Variants in BCAT1 observed in about 807,000 individuals in gnomAD.
BCAT1 encodes branched-chain-amino-acid aminotransferase, cytosolic.
BCAT1 carries 48 observed loss-of-function variants against 52.4 expected under a neutral mutation model. The ratio of observed to expected loss-of-function variants is 0.92; its 90% CI spans 0.73 to 1.16. The LOEUF is 1.16. BCAT1 is among the 50% of genes most tolerant of loss of function. The pLI is 0.00. For synonymous variants in BCAT1, 167 were observed against 161.3 expected (o/e 1.04, Z -0.27); for missense variants, 451 against 457.1 (o/e 0.99, Z 0.12).
chr12:24,916,790 C>T (rs984580703), intron 1 of BCAT1, among the ~76,000 whole-genome samples: 25 of 152,194 alleles, frequency 1.6e-4, no homozygotes, highest in African/African-American at 5.8e-4. Context: ...CCACCGGCCT[C>T]GCCCTCCCAA....
chr12:24,925,445 A>T (rs2139730094), intron 1 of BCAT1, among the ~76,000 whole-genome samples: 1 of 152,348 alleles, frequency 6.6e-6, no homozygotes, highest in Non-Finnish European at 1.5e-5. Flanking sequence ...AGATAGAAAG[A>T]TTATAGATAT....
chr12:24,842,168 T>A lies in BCAT1; in HGVS notation c.731A>T (p.Gln244Leu), dbSNP rs1366293547. ...QCEAVDNGCQ[Q>L]VLWLYGEDHQ... ...GTCCTCTCCATAGAGCCACAGGACC[T>A]GCTGACACCCATTATCTACTGCTTC... Residue 244 changes from glutamine to leucine, a missense_variant, in exon 7 of 11, where the codon CAG (glutamine) becomes CTG (leucine). Physicochemically the swap from Gln to Leu is moderately radical, Grantham distance 113 (BLOSUM62 -2). Coordinates refer to ENST00000261192, the MANE Select transcript of BCAT1 (RefSeq NM_005504.7). The A allele has an allele frequency of 6.2e-7, 1 of 1,613,810 alleles. No individual in the cohort carries two copies. Among genetic ancestry groups the A allele is most frequent in the Admixed American group, 1.7e-5 (1 of 60,032 alleles).
chr12:24,856,300 C>A (rs1007731998), intron 5 of BCAT1, among the ~76,000 whole-genome samples: 3 of 152,180 alleles, frequency 2.0e-5, no homozygotes, highest in African/African-American at 7.2e-5. Context: ...CCTTCCATTG[C>A]TCCTCACTTT....
At chr12:24,878,444 C>A in intron 5 of BCAT1, 86 bp downstream of exon 5, 3 of 1,305,030 alleles carry the variant, frequency 2.3e-6, no homozygotes, top group East Asian at 2.6e-5. Flanking sequence ...GGGGCTACTG[C>A]AAACTATATG....
At position 24,849,802 on chromosome 12, in the gene BCAT1, C is replaced by T. The variant is rs762509801; in HGVS notation, c.658G>A (p.Asp220Asn). 1.2e-6 allele frequency: 2 copies of T among 1,611,254 alleles called. No individual in the cohort carries two copies. The highest frequency in any genetic ancestry group is 2.2e-5 in the East Asian group (1 of 44,782). The change falls in exon 6 of 11, where the codon GAC becomes AAC. Residue 220 changes from aspartate to asparagine, a missense_variant. Transcript: ENST00000261192. The part of the protein sequence containing the change: ...YVRAWKGGTG[D>N]CKMGGNYGSS... ...TTTACTTACCCTCCCATCTTGCAGT[C>T]CCCAGTTCCACCTTTCCAGGCTCTT...
chr12:24,922,241 T>C (rs956221237), intron 1 of BCAT1, among the ~76,000 whole-genome samples: 4 of 152,170 alleles, frequency 2.6e-5, no homozygotes, highest in Non-Finnish European at 4.4e-5. Flanking sequence ...CATAGCGTAC[T>C]ACAGCCTTGA....
intron 3 of BCAT1, among the ~76,000 whole-genome samples, chr12:24,883,397 G>A (rs1289106917): frequency 6.6e-6 from 1 of 152,300 alleles, no homozygotes; most frequent in African/African-American, 2.4e-5. Flanking sequence ...ACTGAGGGTA[G>A]CGGTGTAAAT....
At chr12:24,835,213 C>A (rs577898431) in intron 8 of BCAT1, among the ~76,000 whole-genome samples, 1 of 152,342 alleles carries the variant, frequency 6.6e-6, no homozygotes, top group African/African-American at 2.4e-5. Flanking sequence ...TTGTAAATGT[C>A]ATGCCCAATG....
intron 1 of BCAT1, among the ~76,000 whole-genome samples, chr12:24,909,428 A>G (rs925974398): frequency 2.0e-5 from 3 of 152,236 alleles, no homozygotes; most frequent in Non-Finnish European, 4.4e-5. Flanking sequence ...GAGCAATTCT[A>G]TGTACTGTGT....
intron 9 of BCAT1, chr12:24,830,588 T>C (rs1409739619): frequency 6.6e-6 from 1 of 152,232 alleles, no homozygotes; most frequent in Admixed American, 6.5e-5. Flanking sequence ...ACTTTTCATA[T>C]TATACCCTTT....
In BCAT1 at chr12:24,844,787, C is replaced by T. The variant is rs558928118; in HGVS notation, c.675-2563G>A. ...TGGCTGGCGCCTGTAGTCCCAGCTA[C>T]TCGGGAGGCTGAGGCAGGAGAATGG... On this transcript the variant is annotated intron_variant, in intron 6 of 10. Coordinates refer to ENST00000261192, the MANE Select transcript of BCAT1 (RefSeq NM_005504.7). Among the ~76,000 whole-genome samples, 7 of 147,788 alleles carry T rather than the reference C, an allele frequency of 4.7e-5. No individual in the cohort carries two copies. The South Asian group carries it at 1.3e-3, about 28-fold the overall frequency.
At chr12:24,848,572 GGAA>G (rs1941411726) in intron 6 of BCAT1, among the ~76,000 whole-genome samples, 1 of 152,066 alleles carries the variant, frequency 6.6e-6, no homozygotes, top group South Asian at 2.1e-4. Flanking sequence ...TTTTAAACAG[GGAA>G]ACTTTTTCCT....
At chr12:24,818,313 T>C (rs745374956) in intron 10 of BCAT1, among the ~76,000 whole-genome samples, 6 of 152,190 alleles carry the variant, frequency 3.9e-5, no homozygotes, top group Non-Finnish European at 8.8e-5. Flanking sequence ...ATTTTACAAT[T>C]ATTGCTGAAC....
At chr12:24,899,479 C>CA (rs142117063) in intron 2 of BCAT1, among the ~76,000 whole-genome samples, 20,282 of 144,134 alleles carry the variant, frequency 0.14, 1,498 homozygotes, top group African/African-American at 0.21. Flanking sequence ...TGAAGCTTTC[C>CA]AAAAAAAAAA....
intron 5 of BCAT1, among the ~76,000 whole-genome samples, chr12:24,869,233 C>A (rs1942112347): frequency 6.6e-6 from 1 of 152,126 alleles, no homozygotes; most frequent in Non-Finnish European, 1.5e-5. Context: ...GGCAGTGAGA[C>A]AGCCAAGTGG....
rs1370368871 is a variant in BCAT1, at chr12:24,829,492, C to CT, written c.1119+330dup. Reference sequence around the variant, plus strand: ...GCTTCTACTTTCAAATTTTTTCTTCCTTTTTTTAACAAAAGTTATGTTATC... The same window carrying CT: ...GCTTCTACTTTCAAATTTTTTCTTCCTTTTTTTTAACAAAAGTTATGTTATC... On this transcript the variant is annotated intron_variant, in intron 10 of 10. Transcript: ENST00000261192. 2.0e-5 allele frequency among the ~76,000 whole-genome samples: 3 copies of CT among 152,008 alleles called. No individual in the cohort carries two copies. The East Asian group carries it at 5.8e-4, about 29-fold the overall frequency.
chr12:24,902,014 C>T (rs1379196809), intron 1 of BCAT1, 129 bp from the exon 2 acceptor site: 16 of 1,582,774 alleles, frequency 1.0e-5, no homozygotes, highest in African/African-American at 1.3e-5. Context: ...AAAAAGGAGG[C>T]TCAGACAACC....
intron 1 of BCAT1, among the ~76,000 whole-genome samples, chr12:24,947,062 T>C (rs752662256): frequency 9.9e-5 from 15 of 152,022 alleles, no homozygotes; most frequent in Admixed American, 9.2e-4. Flanking sequence ...CACCCTTTTG[T>C]TAGGCCAGCT....
chr12:24,832,674 A>G, intron 9 of BCAT1, 49 bp downstream of exon 9: 2 of 1,528,544 alleles, frequency 1.3e-6, no homozygotes, highest in Non-Finnish European at 1.8e-6. Flanking sequence ...AATTAAATGT[A>G]ATTTAATGTG....
Sources: allele counts gnomAD v4.1 joint callset (sites outside exome capture counted in the v4.1 genomes callset), GRCh38; gene constraint gnomAD v4.1.1; transcripts MANE v1.5; gene names NCBI Gene and HGNC (gene_info 2026-07-23, HGNC 2026-07-21).